The following DNAH6 variants were observed in gnomAD, a reference collection of about 807,000 sequenced individuals.
DNAH6 encodes the protein axonemal beta dynein heavy chain 6.
DNAH6 carries 340 observed loss-of-function variants against 491.4 expected under a neutral mutation model. The ratio of observed to expected loss-of-function variants is 0.69; its 90% CI spans 0.63 to 0.76. DNAH6 has a LOEUF of 0.76. Ranked by LOEUF, DNAH6 falls within the 30% of genes least tolerant of loss-of-function variation. The pLI is 0.00. For missense variants in DNAH6, 4,443 were observed against 4,972.2 expected, an observed-to-expected ratio of 0.89 and a Z score of 3.20; for synonymous variants, 1,603 against 1,686.1, an observed-to-expected ratio of 0.95 and a Z score of 1.21.
In DNAH6 at chr2:84,697,730, A is replaced by G. The variant is rs1459246042; in HGVS notation, c.7677+3A>G. The G allele has an allele frequency of 1.1e-5, 17 of 1,551,656 alleles. No individual in the cohort carries two copies. The highest frequency in any genetic ancestry group is 1.3e-5 in the Non-Finnish European group (15 of 1,146,974). On this transcript the variant is annotated splice_donor_region_variant and intron_variant, in intron 47 of 76. Transcript: ENST00000389394. Reference sequence around the variant, plus strand: ...TTTCTGAGGGGAACAGAGACGAGGTAGGATGTGCCAGAGTAGTTATGTGGC... The same window carrying G: ...TTTCTGAGGGGAACAGAGACGAGGTGGGATGTGCCAGAGTAGTTATGTGGC...
At chr2:84,568,278 C>T (rs982076745) in intron 11 of DNAH6, among the ~76,000 whole-genome samples, 9 of 152,110 alleles carry the variant, frequency 5.9e-5, no homozygotes, top group African/African-American at 2.2e-4. Context: ...TACACACATT[C>T]ATTGCAGGAC....
the DNAH6 span, among the ~76,000 whole-genome samples, chr2:84,472,311 T>C: frequency 4.3e-4 from 66 of 151,952 alleles, no homozygotes; most frequent in African/African-American, 1.5e-3. Flanking sequence ...TATTCCGTTG[T>C]TGAAAGAAGG....
intron 30 of DNAH6, 117 bp downstream of exon 30, chr2:84,634,758 C>A (rs941141118): frequency 3.9e-6 from 5 of 1,272,562 alleles, no homozygotes; most frequent in Non-Finnish European, 4.1e-6. Context: ...TCCTGGGGAG[C>A]CCAAGGGGAC....
At chr2:84,799,319 A>G (rs998362841) in intron 70 of DNAH6, among the ~76,000 whole-genome samples, 1 of 152,180 alleles carries the variant, frequency 6.6e-6, no homozygotes, top group African/African-American at 2.4e-5. Context: ...AGCATGGCCT[A>G]ACAGCCACCA....
chr2:84,597,988 G>C (rs1288792557), intron 18 of DNAH6, among the ~76,000 whole-genome samples: 1 of 151,646 alleles, frequency 6.6e-6, no homozygotes, highest in Admixed American at 6.6e-5. Flanking sequence ...TTAAAAACAT[G>C]ATGCAAGTAA....
At chr2:84,719,308 A>AT (rs971754117) in intron 59 of DNAH6, among the ~76,000 whole-genome samples, 1 of 151,342 alleles carries the variant, frequency 6.6e-6, no homozygotes, top group African/African-American at 2.4e-5. Flanking sequence ...TGGGTTTTTT[A>AT]TTTTTTTATT....
chr2:84,782,287 T>C (rs531719678), intron 65 of DNAH6, among the ~76,000 whole-genome samples: 29 of 152,318 alleles, frequency 1.9e-4, no homozygotes, highest in African/African-American at 7.0e-4. Context: ...AACTATTTTA[T>C]TGGTAACAAA....
At chr2:84,791,832 A>C (rs1369157686) in intron 68 of DNAH6, among the ~76,000 whole-genome samples, 1 of 152,052 alleles carries the variant, frequency 6.6e-6, no homozygotes, top group African/African-American at 2.4e-5. Context: ...GAGTTTTTTT[A>C]GGCATTCATT....
chr2:84,774,001 C>A (rs1675887126), intron 64 of DNAH6, among the ~76,000 whole-genome samples: 1 of 151,710 alleles, frequency 6.6e-6, no homozygotes, highest in Admixed American at 6.6e-5. Flanking sequence ...CATATTTTCT[C>A]CCATTCTGTA....
chr2:84,758,918 C>T (rs1674306586), intron 63 of DNAH6, among the ~76,000 whole-genome samples: 1 of 152,080 alleles, frequency 6.6e-6, no homozygotes. Flanking sequence ...CTGTCTTCAA[C>T]ATAGTACTAG....
chr2:84,555,758 A>G, intron 10 of DNAH6, among the ~76,000 whole-genome samples: 1 of 152,248 alleles, frequency 6.6e-6, no homozygotes, highest in South Asian at 2.1e-4. Context: ...AAGGTGCCCA[A>G]GACAGCAATC....
intron 18 of DNAH6, 76 bp downstream of exon 18, chr2:84,595,865 G>A: frequency 7.3e-7 from 1 of 1,370,760 alleles, no homozygotes; most frequent in Non-Finnish European, 9.5e-7. Flanking sequence ...CCAAAATCAG[G>A]AATTTTTCCC....
chr2:84,747,213 T>A (rs1673049930), intron 63 of DNAH6, among the ~76,000 whole-genome samples: 1 of 152,198 alleles, frequency 6.6e-6, no homozygotes, highest in African/African-American at 2.4e-5. Context: ...ATCCCAGTGC[T>A]AACTCAAAGT....
intron 15 of DNAH6, among the ~76,000 whole-genome samples, chr2:84,587,403 C>G (rs1178751088): frequency 1.3e-5 from 2 of 152,136 alleles, no homozygotes; most frequent in Non-Finnish European, 2.9e-5. Context: ...GTGGATAGTG[C>G]TGCAATGAAT....
chr2:84,784,420 C>T (rs191102721), intron 65 of DNAH6, among the ~76,000 whole-genome samples: 38 of 152,218 alleles, frequency 2.5e-4, no homozygotes, highest in African/African-American at 7.9e-4. Context: ...GAAAATGTTT[C>T]CTATTTCAAA....
At chr2:84,784,351 G>A (rs1333018049) in intron 65 of DNAH6, among the ~76,000 whole-genome samples, 1 of 152,136 alleles carries the variant, frequency 6.6e-6, no homozygotes, top group African/African-American at 2.4e-5. Context: ...TTAAATTGAA[G>A]GGTCAAAAAA....
At chr2:84,677,908 A>G (rs775438351) in intron 41 of DNAH6, among the ~76,000 whole-genome samples, 7 of 152,192 alleles carry the variant, frequency 4.6e-5, no homozygotes, top group Non-Finnish European at 1.0e-4. Flanking sequence ...GGAAATGGTA[A>G]GGTGGGCACA....
At chr2:84,563,190 A>C (rs1680844142) in intron 11 of DNAH6, among the ~76,000 whole-genome samples, 1 of 152,338 alleles carries the variant, frequency 6.6e-6, no homozygotes, top group Non-Finnish European at 1.5e-5. Context: ...TAAAGTACTC[A>C]GTCTTGGGTA....
At chr2:84,640,261 C>T (rs1197928958) in intron 31 of DNAH6, among the ~76,000 whole-genome samples, 169 bp from the exon 32 acceptor site, 1 of 152,200 alleles carries the variant, frequency 6.6e-6, no homozygotes, top group Admixed American at 6.5e-5. Context: ...CTTCCCGTTT[C>T]CTGTGGCACA....
Sources: allele counts gnomAD v4.1 joint callset (sites outside exome capture counted in the v4.1 genomes callset), GRCh38; gene constraint gnomAD v4.1.1; transcripts MANE v1.5; gene names NCBI Gene and HGNC (gene_info 2026-07-23, HGNC 2026-07-21).